Variants in RBBP8 observed in about 807,000 individuals in gnomAD.
RBBP8 encodes the protein RB binding protein 8, endonuclease, also known as DNA endonuclease RBBP8.
A neutral mutation model predicts 108.3 loss-of-function variants in RBBP8; 88 were observed. The ratio of observed to expected loss-of-function variants is 0.81; its 90% CI spans 0.68 to 0.97. The LOEUF is 0.97. RBBP8 is among the 50% of genes least tolerant of loss of function. The pLI, the probability that RBBP8 is intolerant of heterozygous loss-of-function variation, is 0.00. For missense variants in RBBP8, 1,023 were observed against 1,049.0 expected (o/e 0.98, Z 0.34); for synonymous variants, 332 against 348.2 (o/e 0.95, Z 0.52).
chr18:22,974,450 G>A (rs1333089322), intron 5 of RBBP8, among the ~76,000 whole-genome samples: 1 of 152,068 alleles, frequency 6.6e-6, no homozygotes, highest in Non-Finnish European at 1.5e-5. Context: ...GATATTCAGC[G>A]TTTTTGGTGT....
In RBBP8 at chr18:23,022,261, A is replaced by G. The variant is rs552562949; in HGVS notation, c.2587A>G (p.Met863Val). The change falls in exon 18 of 19, where the codon ATG (methionine) becomes GTG (valine). Residue 863 changes from methionine to valine, a missense_variant. Transcript: ENST00000327155. ...EVGFPSTQTC[M>V]ERGYIKEDLD... ...TGGTTTTCCTTCCACTCAGACTTGT[A>G]TGGAAAGAGGTGAGAGTATAGATTG... is the stretch of plus-strand genomic sequence containing the variant. 7.5e-6 allele frequency: 12 copies of G among 1,610,186 alleles called. No homozygotes were observed. The highest frequency in any genetic ancestry group is 3.3e-5 in the Admixed American group (2 of 59,984).
chr18:22,967,537 A>G (rs187360477), intron 4 of RBBP8, among the ~76,000 whole-genome samples: 8 of 152,264 alleles, frequency 5.3e-5, no homozygotes, highest in African/African-American at 1.4e-4. Context: ...ACTGTCACCT[A>G]CAAGATAACT....
rs1208198271 is a variant in RBBP8 at position 22,996,567 on chromosome 18, G to A, written c.2028+105G>A. The A allele has an allele frequency of 5.6e-5, 84 of 1,512,202 alleles. 1 individual carries two copies. The South Asian group carries it at 7.8e-4, about 14-fold the overall frequency. The allele number at this position is 1,512,202 out of a possible 1,614,324, so 93.7% of individuals were successfully genotyped here. A position where few individuals can be genotyped will look rare whatever the true frequency, so the allele number is the denominator to read the frequency against. ...GTATCACCTTAAGATAATCAGATAC[G>A]TCTTAAAACCTACATGTATTTATGC... is the stretch of plus-strand genomic sequence containing the variant. On this transcript the variant is annotated intron_variant, in intron 13 of 18. Transcript: ENST00000327155.
At chr18:22,938,014 A>G (rs893114692) in intron 2 of RBBP8, among the ~76,000 whole-genome samples, 1 of 147,208 alleles carries the variant, frequency 6.8e-6, no homozygotes, top group South Asian at 2.2e-4. Flanking sequence ...TTTTGTAGAG[A>G]CAGAGTTTTG....
chr18:22,933,903 G>GCC (rs1910265400), intron 1 of RBBP8: 4 of 152,354 alleles, frequency 2.6e-5, no homozygotes, highest in African/African-American at 7.2e-5. Flanking sequence ...CGGGCACCTG[G>GCC]GGAGAAATGG....
intron 4 of RBBP8, among the ~76,000 whole-genome samples, chr18:22,957,964 TAATA>T (rs1912731580): frequency 6.6e-6 from 1 of 152,188 alleles, no homozygotes; most frequent in African/African-American, 2.4e-5. Context: ...CTTTCAACCT[TAATA>T]TATATATTTA....
At chr18:22,917,056 G>C (rs1598617070) in intron 3 of RBBP8, 1 of 152,092 alleles carries the variant, frequency 6.6e-6, no homozygotes, top group East Asian at 1.9e-4. Context: ...GCTCAAAAAA[G>C]TTTTAAACAT....
chr18:22,942,845 A>G (rs575391176), intron 2 of RBBP8, among the ~76,000 whole-genome samples: 26 of 152,204 alleles, frequency 1.7e-4, no homozygotes, highest in African/African-American at 4.6e-4. Context: ...TTTTCAGAAT[A>G]CCACTATTTT....
At chr18:23,004,190 C>T (rs2045998511) in intron 15 of RBBP8, among the ~76,000 whole-genome samples, 1 of 151,638 alleles carries the variant, frequency 6.6e-6, no homozygotes, top group Non-Finnish European at 1.5e-5. Flanking sequence ...TTTATTGCAG[C>T]ACTGTTCAGA....
chr18:22,963,860 A>G (rs759080163), intron 4 of RBBP8, among the ~76,000 whole-genome samples: 2 of 152,082 alleles, frequency 1.3e-5, no homozygotes, highest in Non-Finnish European at 2.9e-5. Context: ...CTTTATTTCG[A>G]TTAGTCCCTC....
intron 6 of RBBP8, among the ~76,000 whole-genome samples, chr18:22,981,072 C>T (rs955099492): frequency 1.5e-5 from 2 of 137,578 alleles, no homozygotes; most frequent in African/African-American, 5.3e-5. Context: ...TCTGGGTTCA[C>T]GCCATTCTCC....
intron 5 of RBBP8, among the ~76,000 whole-genome samples, chr18:22,970,164 G>A (rs1428864648): frequency 2.0e-5 from 3 of 152,030 alleles, no homozygotes; most frequent in South Asian, 2.1e-4. Flanking sequence ...TGTAGTATTC[G>A]GTGTCTGGCA....
In RBBP8 at chr18:23,007,476, G is replaced by A. The variant is rs577077397; in HGVS notation, c.2357+1044G>A. On this transcript the variant is annotated intron_variant, in intron 16 of 18. Transcript: ENST00000327155. ...TCCCAGCACTTTGGGAGGCCCAGGC[G>A]GGGGGATCAAAAGGTCAGGAAATTG... is the stretch of plus-strand genomic sequence containing the variant. 1.5e-4 allele frequency among the ~76,000 whole-genome samples: 22 copies of A among 151,688 alleles called. 1 individual carries two copies. Among genetic ancestry groups the A allele is most frequent in the East Asian group, 1.2e-3 (6 of 5,026 alleles).
chr18:23,000,981 A>C (rs922976588), intron 14 of RBBP8, among the ~76,000 whole-genome samples: 2 of 152,200 alleles, frequency 1.3e-5, no homozygotes, highest in East Asian at 1.9e-4. Flanking sequence ...GCTTGCAACT[A>C]ATATTCTTAG....
intron 18 of RBBP8, among the ~76,000 whole-genome samples, chr18:23,023,465 G>T (rs974501417): frequency 6.6e-6 from 1 of 152,080 alleles, no homozygotes; most frequent in Non-Finnish European, 1.5e-5. Flanking sequence ...TTAATAAAAG[G>T]TCATGAGTAG....
chr18:22,989,273 T>C lies in RBBP8; in HGVS notation c.762T>C (p.Ala254=). The change falls in exon 9 of 19, where the codon GCT becomes GCC. Residue 254 remains alanine (A), a synonymous_variant. Coordinates refer to ENST00000327155, the MANE Select transcript of RBBP8 (RefSeq NM_002894.3). ...CTGATAAGTCATCTTTTAATTTAGC[T>C]ACAGTTGTTGCTGAAACACTTGGAC... is the stretch of plus-strand genomic sequence containing the variant. The part of the protein sequence containing the change: ...YTPDKSSFNL[A]TVVAETLGLG... The C allele has an allele frequency of 6.2e-7, 1 of 1,611,552 alleles. No homozygotes were observed. Among genetic ancestry groups the C allele is most frequent in the Non-Finnish European group, 8.5e-7 (1 of 1,177,944 alleles).
At chr18:23,020,125 A>C (rs2046324819) in intron 17 of RBBP8, among the ~76,000 whole-genome samples, 1 of 150,018 alleles carries the variant, frequency 6.7e-6, no homozygotes. Context: ...TTTTTACTCT[A>C]AAACTTGTAT....
In RBBP8 at chr18:23,001,749, A is replaced by G; in HGVS notation, c.2287+20A>G. ...TACACAGTAAGATTTTTTTCTGTTT[A>G]ATTATGGCTTCTCAGTTGCAGAATT... On this transcript the variant is annotated intron_variant, in intron 15 of 18. Coordinates refer to ENST00000327155, the MANE Select transcript of RBBP8 (RefSeq NM_002894.3). 6.2e-7 allele frequency: 1 copy of G among 1,613,946 alleles called. No homozygotes were observed. The highest frequency in any genetic ancestry group is 1.1e-5 in the South Asian group (1 of 91,072).
intron 4 of RBBP8, among the ~76,000 whole-genome samples, chr18:22,951,802 T>A (rs1198091013): frequency 1.3e-5 from 2 of 152,168 alleles, no homozygotes; most frequent in Non-Finnish European, 2.9e-5. Context: ...CAGGAAAACA[T>A]TTATATTTAT....
Sources: gnomAD v4.1 joint callset for allele counts (sites outside exome capture counted in the v4.1 genomes callset) on GRCh38, gnomAD v4.1.1 for gene constraint, MANE v1.5 for transcripts, NCBI Gene and HGNC (gene_info 2026-07-23, HGNC 2026-07-21) for gene names.